The following PCDHGB7 variants were observed in gnomAD, a reference collection of about 807,000 sequenced individuals.
PCDHGB7 encodes protocadherin gamma-B7.
In PCDHGB7, 37 loss-of-function variants were observed where a neutral mutation model predicts 61.4. The ratio of observed to expected loss-of-function variants is 0.60; its 90% confidence interval spans 0.46 to 0.79. The LOEUF (loss-of-function observed/expected upper bound fraction) is 0.79, where lower values mean the gene tolerates loss of function less well. PCDHGB7 is among the 30% of genes least tolerant of loss of function. The pLI is 0.00. For missense variants in PCDHGB7, 1,166 were observed against 1,202.5 expected, an observed-to-expected ratio of 0.97 and a Z score of 0.45; for synonymous variants, 464 against 503.5, an observed-to-expected ratio of 0.92 and a Z score of 1.05.
Position 141,476,755 on chromosome 5 carries a change from G to A in PCDHGB7, c.2416-18052G>A, listed in dbSNP as rs1307512875. The stretch of plus-strand genomic sequence containing the variant: ...AACGGGAGCCTAGTCTCCAGTTAGT[G>A]CTGACGGCGTTGGACGGAGGGACCC... On this transcript the variant is annotated intron_variant, in intron 1 of 3. Coordinates refer to ENST00000398594, the MANE Select transcript of PCDHGB7 (RefSeq NM_018927.4). This position sits in a 1 kb window ranked among gnomAD's most constrained non-coding sequence, Gnocchi z 7.6. 1.2e-6 allele frequency: 2 copies of A among 1,613,828 alleles called. No homozygotes were observed. Among genetic ancestry groups the A allele is most frequent in the Non-Finnish European group, 1.7e-6 (2 of 1,180,036 alleles).
In PCDHGB7 at chr5:141,477,767, A is replaced by G. The variant is rs1178354274; in HGVS notation, c.2416-17040A>G. 6.2e-7 allele frequency: 1 copy of G among 1,613,906 alleles called. No homozygotes were observed. The highest frequency in any genetic ancestry group is 8.5e-7 in the Non-Finnish European group (1 of 1,180,038). On this transcript the variant is annotated intron_variant, in intron 1 of 3. Coordinates refer to ENST00000398594, the MANE Select transcript of PCDHGB7 (RefSeq NM_018927.4). The surrounding 1 kb of genome is among the most constrained non-coding windows in gnomAD (Gnocchi z 4.9). ...GGGCACCCCGGTCCTAGCCACCAAC[A>G]TCAGCGTGAACATATTTGTCACTGA...
Position 141,476,996 on chromosome 5 carries a change from C to T in PCDHGB7, c.2416-17811C>T. The T allele has an allele frequency of 6.2e-7, 1 of 1,614,250 alleles. No homozygotes were observed. Among genetic ancestry groups the T allele is most frequent in the Non-Finnish European group, 8.5e-7 (1 of 1,180,052 alleles). On this transcript the variant is annotated intron_variant, in intron 1 of 3. Coordinates refer to ENST00000398594, the MANE Select transcript of PCDHGB7 (RefSeq NM_018927.4). The surrounding 1 kb of genome is among the most constrained non-coding windows in gnomAD (Gnocchi z 7.6). ...CCACAACCGCGCCGGCGTGCGGCAA[C>T]TATTCGCCTTAGACCTTGTAACCGG...
chr5:141,501,327 AC>A (rs1208116606), intron 2 of PCDHGB7, among the ~76,000 whole-genome samples: 2 of 151,364 alleles, frequency 1.3e-5, no homozygotes, highest in Non-Finnish European at 2.9e-5. Context: ...ACACACACAC[AC>A]ACACACCCCA....
chr5:141,454,691 C>T (rs745856768), intron 1 of PCDHGB7, among the ~76,000 whole-genome samples: 5 of 152,038 alleles, frequency 3.3e-5, no homozygotes, highest in Non-Finnish European at 5.9e-5. Flanking sequence ...CAGGCATGAG[C>T]CACCATGCTC....
intron 1 of PCDHGB7, chr5:141,433,145 G>C (rs2097571427): frequency 6.2e-7 from 1 of 1,613,922 alleles, no homozygotes; most frequent in Non-Finnish European, 8.5e-7. Flanking sequence ...GCTGTCAGGT[G>C]ATTCGGTATT....
intron 1 of PCDHGB7, among the ~76,000 whole-genome samples, chr5:141,474,061 T>A (rs2099339173): frequency 1.3e-5 from 2 of 152,058 alleles, no homozygotes; most frequent in Admixed American, 6.6e-5. Flanking sequence ...CAGAGCGAGA[T>A]CCTGCCTCAG....
At chr5:141,509,650 T>C (rs1484029268) in intron 3 of PCDHGB7, among the ~76,000 whole-genome samples, 1 of 152,188 alleles carries the variant, frequency 6.6e-6, no homozygotes, top group African/African-American at 2.4e-5. Context: ...GGCCAGAGTG[T>C]GGACTTCTCT....
Position 141,476,247 on chromosome 5 carries a change from G to A in PCDHGB7, c.2416-18560G>A. The A allele has an allele frequency of 6.2e-7, 1 of 1,614,042 alleles. No individual in the cohort carries two copies. Among genetic ancestry groups the A allele is most frequent in the Non-Finnish European group, 8.5e-7 (1 of 1,180,010 alleles). Reference sequence around the variant, plus strand: ...GAGATCCCGGAGGAAAGAGAGAAGGGTTTCGCTGTGGGCAACGTGGTCGCG... The same window carrying A: ...GAGATCCCGGAGGAAAGAGAGAAGGATTTCGCTGTGGGCAACGTGGTCGCG... On this transcript the variant is annotated intron_variant, in intron 1 of 3. Transcript: ENST00000398594. This position sits in a 1 kb window ranked among gnomAD's most constrained non-coding sequence, Gnocchi z 7.6.
chr5:141,420,156 A>T lies in PCDHGB7; in HGVS notation c.2297A>T (p.Asn766Ile), dbSNP rs1406451882. ...VPGDQMNPEF[N>I]FFTSVDHCPA... ...GGGGATCAAATGAATCCAGAATTTA[A>T]TTTTTTCACATCTGTTGATCATTGT... Residue 766 changes from asparagine to isoleucine, a missense_variant, in exon 1 of 4, where the codon AAT becomes ATT. Coordinates refer to ENST00000398594, the MANE Select transcript of PCDHGB7 (RefSeq NM_018927.4). The T allele has an allele frequency of 1.4e-5, 22 of 1,613,872 alleles. No individual in the cohort carries two copies. Among genetic ancestry groups the T allele is most frequent in the Middle Eastern group, 3.3e-4 (2 of 6,084 alleles).
Position 141,431,046 on chromosome 5 carries a change from G to A in PCDHGB7, c.2415+10772G>A, listed in dbSNP as rs1324139757. 7 of 1,614,240 alleles carry A rather than the reference G, an allele frequency of 4.3e-6. 1 individual carries two copies. The Admixed American group carries it at 1.0e-4, about 23-fold the overall frequency. ...GGCAGGATAGACCGGGAGGAGCTCTGTATGGGGGCCATCAAGTGTCAATTA... is the reference window on the plus strand; with the variant it reads ...GGCAGGATAGACCGGGAGGAGCTCTATATGGGGGCCATCAAGTGTCAATTA... On this transcript the variant is annotated intron_variant, in intron 1 of 3. Transcript: ENST00000398594. The surrounding 1 kb of genome is among the most constrained non-coding windows in gnomAD (Gnocchi z 4.8).
Position 141,418,458 on chromosome 5 carries a change from T to C in PCDHGB7, c.599T>C (p.Leu200Pro). 6.2e-7 allele frequency: 1 copy of C among 1,614,010 alleles called. No individual in the cohort carries two copies. Among genetic ancestry groups the C allele is most frequent in the African/African-American group, 1.3e-5 (1 of 75,066 alleles). Reference sequence around the variant, plus strand: ...CCAGAATTAGTATTGCAGAAGACTCTGGACCGAGAAACGCAGAGCGCTCAC... The same window carrying C: ...CCAGAATTAGTATTGCAGAAGACTCCGGACCGAGAAACGCAGAGCGCTCAC... ...KYPELVLQKT[L>P]DRETQSAHHL... The change falls in exon 1 of 4, where the codon CTG becomes CCG. Residue 200 changes from leucine to proline, a missense_variant. Transcript: ENST00000398594.
In PCDHGB7 at chr5:141,511,197, C is replaced by A; in HGVS notation, c.*24C>A. 1 of 1,613,140 alleles carries A rather than the reference C, an allele frequency of 6.2e-7. No individual in the cohort carries two copies. Among genetic ancestry groups the A allele is most frequent in the Non-Finnish European group, 8.5e-7 (1 of 1,179,524 alleles). Reference sequence around the variant, plus strand: ...AACATGGAGGCCAGGCCAAGAGCCACAGGGCGGCCTCTCCCCAACCAGCCC... The same window carrying A: ...AACATGGAGGCCAGGCCAAGAGCCAAAGGGCGGCCTCTCCCCAACCAGCCC... On this transcript the variant is annotated 3_prime_UTR_variant, in exon 4 of 4. Transcript: ENST00000398594.
rs774592605 is a variant in PCDHGB7 at position 141,419,327 on chromosome 5, TC to T, written c.1469del (p.Ser490PhefsTer18). 1 of 1,613,856 alleles carries T rather than the reference TC, an allele frequency of 6.2e-7. No homozygotes were observed. Among genetic ancestry groups the T allele is most frequent in the Non-Finnish European group, 8.5e-7 (1 of 1,179,824 alleles). ...CGGGCTCAACGGCCGTGTCTCCTAC[TC>T]TCTCATTGCCAGCGACCTGGAGTCA... ...DFGLNGRVSY[S>X]LIASDLESRT... On this transcript the variant is annotated frameshift_variant, in exon 1 of 4. Transcript: ENST00000398594. LOFTEE classifies it high-confidence loss of function.
rs1475572413 is a variant in PCDHGB7, at chr5:141,432,843, T to G, written c.2415+12569T>G. The G allele has an allele frequency of 6.2e-7, 1 of 1,614,066 alleles. No homozygotes were observed. The highest frequency in any genetic ancestry group is 8.5e-7 in the Non-Finnish European group (1 of 1,180,020). ...TCAGACCTCACTCTGTACCTGGTGGTAGCGGTGGCCGCGGTCTCCTGCGTC... is the reference window on the plus strand; with the variant it reads ...TCAGACCTCACTCTGTACCTGGTGGGAGCGGTGGCCGCGGTCTCCTGCGTC... On this transcript the variant is annotated intron_variant, in intron 1 of 3. Coordinates refer to ENST00000398594, the MANE Select transcript of PCDHGB7 (RefSeq NM_018927.4). This position sits in a 1 kb window ranked among gnomAD's most constrained non-coding sequence, Gnocchi z 6.0.
rs544565104 is a variant in PCDHGB7, at chr5:141,489,014, G to A, written c.2416-5793G>A. 2.5e-5 allele frequency: 11 copies of A among 433,976 alleles called. No individual in the cohort carries two copies. The highest frequency in any genetic ancestry group is 1.6e-4 in the Admixed American group (4 of 25,754). The allele number at this position is 433,976 out of a possible 1,614,324, so 26.9% of individuals were successfully genotyped here. On this transcript the variant is annotated intron_variant, in intron 1 of 3. Coordinates refer to ENST00000398594, the MANE Select transcript of PCDHGB7 (RefSeq NM_018927.4). This position sits in a 1 kb window ranked among gnomAD's most constrained non-coding sequence, Gnocchi z 4.5. ...GGTGGGAGATCTGCTCTTCCAGCCC[G>A]CCTCTCCTCCTCCAGCTCCCCAGCT... is the stretch of plus-strand genomic sequence containing the variant.
chr5:141,422,968 C>T lies in PCDHGB7; in HGVS notation c.2415+2694C>T. 6.2e-7 allele frequency: 1 copy of T among 1,614,240 alleles called. No homozygotes were observed. Among genetic ancestry groups the T allele is most frequent in the South Asian group, 1.1e-5 (1 of 91,086 alleles). On this transcript the variant is annotated intron_variant, in intron 1 of 3. Coordinates refer to ENST00000398594, the MANE Select transcript of PCDHGB7 (RefSeq NM_018927.4). ...CTCCACTGGCGTGGAGCTGGCGCCC[C>T]GCTCTGCGGAACCTGGCTACCTGGT...
In PCDHGB7 at chr5:141,490,889, T is replaced by G. The variant is rs568838001; in HGVS notation, c.2416-3918T>G. The G allele has an allele frequency of 6.2e-7, 1 of 1,613,406 alleles. No homozygotes were observed. Among genetic ancestry groups the G allele is most frequent in the Non-Finnish European group, 8.5e-7 (1 of 1,179,428 alleles). ...CCCCCATTGCATGCCAACACATCTCTGCATGTGTTTGTCCTAGACGAGAAT... is the reference window on the plus strand; with the variant it reads ...CCCCCATTGCATGCCAACACATCTCGGCATGTGTTTGTCCTAGACGAGAAT... On this transcript the variant is annotated intron_variant, in intron 1 of 3. Coordinates refer to ENST00000398594, the MANE Select transcript of PCDHGB7 (RefSeq NM_018927.4). This position sits in a 1 kb window ranked among gnomAD's most constrained non-coding sequence, Gnocchi z 5.4.
At chr5:141,478,620 G>A (rs1400703951) in intron 1 of PCDHGB7, 2 of 1,555,472 alleles carry the variant, frequency 1.3e-6, no homozygotes, top group East Asian at 2.4e-5. Context: ...AAGGAATGGA[G>A]CTGTTTTTTT....
chr5:141,436,406 G>T (rs1403133377), intron 1 of PCDHGB7, among the ~76,000 whole-genome samples: 3 of 152,308 alleles, frequency 2.0e-5, no homozygotes, highest in East Asian at 3.9e-4. Context: ...GTTGTTGAAT[G>T]AATGGATAAA....
Sources: gnomAD v4.1 joint callset for allele counts (sites outside exome capture counted in the v4.1 genomes callset) on GRCh38, gnomAD v4.1.1 for gene constraint, Gnocchi (gnomAD v3.1) non-coding constraint, MANE v1.5 for transcripts, NCBI Gene and HGNC (gene_info 2026-07-23, HGNC 2026-07-21) for gene names.